The following MACROH2A1 variants were observed in gnomAD, a reference collection of about 807,000 sequenced individuals.
MACROH2A1 encodes the protein core histone macro-H2A.1.
MACROH2A1 carries 2 observed loss-of-function variants against 31.6 expected under a neutral mutation model. That is an observed-to-expected ratio of 0.06 (90% CI 0.03 to 0.20). The LOEUF (loss-of-function observed/expected upper bound fraction) is 0.20, where lower values mean the gene tolerates loss of function less well. MACROH2A1 is among the 10% of genes least tolerant of loss of function. MACROH2A1 has a pLI of 1.00. For synonymous variants in MACROH2A1, 169 were observed against 189.6 expected, an observed-to-expected ratio of 0.89 and a Z score of 0.89; for missense variants, 230 against 474.0, an observed-to-expected ratio of 0.49 and a Z score of 4.78.
chr5:135,340,600 G>A (rs1181053998), intron 8 of MACROH2A1, among the ~76,000 whole-genome samples: 33 of 152,240 alleles, frequency 2.2e-4, no homozygotes, highest in Non-Finnish European at 4.4e-5. Flanking sequence ...CACAGGTGTG[G>A]TTATGGTCAT....
Position 135,389,201 on chromosome 5 carries a change from C to T in MACROH2A1, c.-33-75G>A. On this transcript the variant is annotated intron_variant, in intron 1 of 8. Coordinates refer to ENST00000511689, the MANE Select transcript of MACROH2A1 (RefSeq NM_138610.3). ...TCCCCTTTCCAGGTACACTCTAGTC[C>T]CCTGGAAGGCCCCAGGCCTGCCTGC... 6 of 1,150,490 alleles carry T rather than the reference C, an allele frequency of 5.2e-6. No individual in the cohort carries two copies. In the South Asian group the frequency reaches 9.5e-5, roughly 18 times the overall value. The allele number at this position is 1,150,490 out of a possible 1,614,324, so 71.3% of individuals were successfully genotyped here. A position where few individuals can be genotyped will look rare whatever the true frequency, so the allele number is the denominator to read the frequency against.
chr5:135,354,698 G>T, intron 5 of MACROH2A1: 1 of 247,502 alleles, frequency 4.0e-6, no homozygotes, highest in Non-Finnish European at 7.9e-6. Flanking sequence ...GGGGAGTAGG[G>T]GTGTGGGTGG....
chr5:135,342,534 C>T (rs550681798), intron 8 of MACROH2A1, among the ~76,000 whole-genome samples: 2 of 152,154 alleles, frequency 1.3e-5, no homozygotes, highest in East Asian at 1.9e-4. Flanking sequence ...CATCAGCTGT[C>T]GAAAAACTAG....
In MACROH2A1 at chr5:135,343,637, A is replaced by G. The variant is rs972477628; in HGVS notation, c.779-203T>C. The G allele has an allele frequency of 8.1e-6, 6 of 743,004 alleles. No individual in the cohort carries two copies. In the Admixed American group the frequency reaches 1.8e-4, roughly 22 times the overall value. 46.0% of individuals were successfully genotyped at this position (743,004 alleles called of 1,614,324 possible). On this transcript the variant is annotated intron_variant, in intron 7 of 8. Coordinates refer to ENST00000511689, the MANE Select transcript of MACROH2A1 (RefSeq NM_138610.3). Reference sequence around the variant, plus strand: ...GCCACACCCTTGGAAAGTTGGCATTATGATGTGTCACCACCAGGAATTTTG... The same window carrying G: ...GCCACACCCTTGGAAAGTTGGCATTGTGATGTGTCACCACCAGGAATTTTG...
At chr5:135,355,750 T>C in intron 5 of MACROH2A1, 1 of 165,302 alleles carries the variant, frequency 6.0e-6, no homozygotes, top group Non-Finnish European at 1.3e-5. Context: ...CCCATGAGCA[T>C]AGCGTGCAAA....
intron 1 of MACROH2A1, among the ~76,000 whole-genome samples, chr5:135,394,824 G>A (rs939559442): frequency 5.9e-5 from 9 of 152,120 alleles, no homozygotes; most frequent in Non-Finnish European, 1.2e-4. Context: ...ACCCTGCCTG[G>A]CACCCGGTAG....
rs73292702 is a variant in MACROH2A1, at chr5:135,370,016, G to A, written c.279+20C>T. 1,473 of 1,472,474 alleles carry A rather than the reference G, an allele frequency of 1.0e-3. 15 individuals are homozygous for A. The African/African-American group carries it at 0.018, about 18-fold the overall frequency. 91.2% of individuals were successfully genotyped at this position (1,472,474 alleles called of 1,614,324 possible). A position where few individuals can be genotyped will look rare whatever the true frequency, so the allele number is the denominator to read the frequency against. On this transcript the variant is annotated intron_variant, in intron 3 of 8. Transcript: ENST00000511689. ...TGACCACCTGCTCAAACATCAGTGG[G>A]AGATGGGAGAGGCCCATACCTGATT... is the stretch of plus-strand genomic sequence containing the variant.
Position 135,374,875 on chromosome 5 carries a change from C to T in MACROH2A1, c.173-4733G>A, listed in dbSNP as rs190847510. Among the ~76,000 whole-genome samples the T allele has an allele frequency of 5.0e-4, 76 of 152,222 alleles. 2 individuals are homozygous for T. Among genetic ancestry groups the T allele is most frequent in the African/African-American group, 1.6e-3 (68 of 41,516 alleles). On this transcript the variant is annotated intron_variant, in intron 2 of 8. Transcript: ENST00000511689. ...ATCCATAAGAAACCACAGGAAGAAA[C>T]GGAAAAGAACAATTAGGAGAAGAAA...
chr5:135,335,248 G>C (rs1758448761), intron 8 of MACROH2A1, 107 bp from the exon 9 acceptor site: 1 of 813,682 alleles, frequency 1.2e-6, no homozygotes, highest in Non-Finnish European at 2.0e-6. Context: ...GCCTTGTGTT[G>C]GGTCGGTGTC....
intron 4 of MACROH2A1, among the ~76,000 whole-genome samples, chr5:135,368,549 G>A (rs1041147932): frequency 3.9e-5 from 6 of 152,236 alleles, no homozygotes; most frequent in African/African-American, 1.4e-4. Context: ...TCCTTAAGGG[G>A]TACCTCAGAG....
At position 135,369,332 on chromosome 5, in the gene MACROH2A1, G is replaced by A; in HGVS notation, c.477+74C>T. The stretch of plus-strand genomic sequence containing the variant: ...GGGATGAGCCCACAGGGGGAATGAG[G>A]GGGGTGCCCTGGTAACCCTGTTTAT... On this transcript the variant is annotated intron_variant, in intron 4 of 8. Coordinates refer to ENST00000511689, the MANE Select transcript of MACROH2A1 (RefSeq NM_138610.3). This position sits in a 1 kb window ranked among gnomAD's most constrained non-coding sequence, Gnocchi z 4.3. 1 of 1,211,410 alleles carries A rather than the reference G, an allele frequency of 8.3e-7. No homozygotes were observed. The highest frequency in any genetic ancestry group is 1.2e-6 in the Non-Finnish European group (1 of 817,732). The allele number at this position is 1,211,410 out of a possible 1,614,324, so 75.0% of individuals were successfully genotyped here. A position where few individuals can be genotyped will look rare whatever the true frequency, so the allele number is the denominator to read the frequency against.
At chr5:135,339,728 A>T (rs55810113) in intron 8 of MACROH2A1, among the ~76,000 whole-genome samples, 17,883 of 152,198 alleles carry the variant, frequency 0.12, 1,477 homozygotes, top group African/African-American at 0.23. Context: ...AAGTTGCCCC[A>T]GCCACAGGCC....
intron 2 of MACROH2A1, among the ~76,000 whole-genome samples, chr5:135,379,276 A>G: frequency 6.6e-6 from 1 of 152,174 alleles, no homozygotes; most frequent in East Asian, 1.9e-4. Context: ...ATCGGCCTTT[A>G]AAGAGCCCAG....
chr5:135,350,956 G>T (rs751335811), intron 6 of MACROH2A1: 7 of 1,332,488 alleles, frequency 5.3e-6, no homozygotes, highest in South Asian at 1.2e-5. Flanking sequence ...GTTGGACCGA[G>T]ACCCACGCAC....
intron 5 of MACROH2A1, chr5:135,358,231 T>A: frequency 1.0e-6 from 1 of 985,418 alleles, no homozygotes. Context: ...AATGCTCTAA[T>A]GTATCAATGC....
At chr5:135,377,879 C>T (rs902011063) in intron 2 of MACROH2A1, among the ~76,000 whole-genome samples, 1 of 152,100 alleles carries the variant, frequency 6.6e-6, no homozygotes, top group African/African-American at 2.4e-5. Flanking sequence ...TCTGAGCATG[C>T]GAAGACTTTC....
intron 2 of MACROH2A1, among the ~76,000 whole-genome samples, chr5:135,382,883 T>G (rs1373174442): frequency 6.6e-6 from 1 of 152,204 alleles, no homozygotes; most frequent in Admixed American, 6.5e-5. Context: ...TCATGGACTC[T>G]TTAGGAGGAC....
At chr5:135,360,389 C>A (rs561814835) in intron 5 of MACROH2A1, 108 bp downstream of exon 5, 1 of 742,430 alleles carries the variant, frequency 1.3e-6, no homozygotes, top group Admixed American at 2.1e-5. Flanking sequence ...TGTCTACCCA[C>A]GAGGCTGGGA....
chr5:135,391,724 A>G (rs908680054), intron 1 of MACROH2A1, among the ~76,000 whole-genome samples: 2 of 152,194 alleles, frequency 1.3e-5, no homozygotes, highest in African/African-American at 4.8e-5. Context: ...GCCAAACAGC[A>G]GTGAACCTGG....
Sources: gnomAD v4.1 joint callset for allele counts (sites outside exome capture counted in the v4.1 genomes callset) on GRCh38, gnomAD v4.1.1 for gene constraint, Gnocchi (gnomAD v3.1) non-coding constraint, MANE v1.5 for transcripts, NCBI Gene and HGNC (gene_info 2026-07-23, HGNC 2026-07-21) for gene names.